Variants in DEF8 observed in about 807,000 individuals in gnomAD.
The protein encoded by DEF8 is differentially expressed in FDCP 8 homolog, also known as DEF-8.
A neutral mutation model predicts 59.1 loss-of-function variants in DEF8; 38 were observed. That is an observed-to-expected ratio of 0.64 (90% CI 0.50 to 0.84). The LOEUF (loss-of-function observed/expected upper bound fraction) is 0.84. DEF8 is among the 40% of genes least tolerant of loss of function. The pLI, the probability that DEF8 is intolerant of heterozygous loss-of-function variation, is 0.00. For missense variants in DEF8, 557 were observed against 615.2 expected, an observed-to-expected ratio of 0.91 and a Z score of 1.00; for synonymous variants, 265 against 250.1, an observed-to-expected ratio of 1.06 and a Z score of -0.56.
chr16:89,957,298 C>A (rs950715204), intron 4 of DEF8: 1 of 444,432 alleles, frequency 2.3e-6, no homozygotes, highest in African/African-American at 2.0e-5. Context: ...TGTGGGCAGG[C>A]AGGTCAGGCT....
chr16:89,958,651 T>C, intron 5 of DEF8: 2 of 281,976 alleles, frequency 7.1e-6, no homozygotes, highest in South Asian at 7.9e-5. Flanking sequence ...CTAATGGTGT[T>C]GGGGAGGGCC....
intron 7 of DEF8, 107 bp from the exon 8 acceptor site, chr16:89,961,630 C>T (rs1367694048): frequency 8.5e-6 from 12 of 1,415,590 alleles, no homozygotes; most frequent in Admixed American, 1.7e-5. Flanking sequence ...GACATGTTCC[C>T]ATGTCTCCCC....
intron 9 of DEF8, among the ~76,000 whole-genome samples, 184 bp downstream of exon 9, chr16:89,962,309 G>A (rs1237842946): frequency 1.3e-5 from 2 of 152,236 alleles, no homozygotes; most frequent in Non-Finnish European, 2.9e-5. Flanking sequence ...GCGGTGTCCC[G>A]TAGTGATCTG....
rs998480411 is a variant in DEF8 at position 89,954,462 on chromosome 16, C to T, written c.124+86C>T. The T allele has an allele frequency of 1.8e-5, 27 of 1,465,152 alleles. No individual in the cohort carries two copies. The East Asian group carries it at 3.2e-4, about 17-fold the overall frequency. 90.8% of individuals were successfully genotyped at this position (1,465,152 alleles called of 1,614,324 possible). A position where few individuals can be genotyped will look rare whatever the true frequency, so the allele number is the denominator to read the frequency against. Reference sequence around the variant, plus strand: ...CCTCCTTTCTTCCTGCCGCGTCCTGCGCAGCCCTGGCTTTCCCACGGAGCC... The same window carrying T: ...CCTCCTTTCTTCCTGCCGCGTCCTGTGCAGCCCTGGCTTTCCCACGGAGCC... On this transcript the variant is annotated intron_variant, in intron 3 of 12. Coordinates refer to ENST00000563594, the MANE Select transcript of DEF8 (RefSeq NM_001242818.2). The surrounding 1 kb of genome is among the most constrained non-coding windows in gnomAD (Gnocchi z 4.3).
chr16:89,961,147 G>T, intron 7 of DEF8, 52 bp downstream of exon 7: 1 of 1,583,290 alleles, frequency 6.3e-7, no homozygotes, highest in Non-Finnish European at 8.6e-7. Flanking sequence ...CTGGCGGGGA[G>T]CCGGGTGCAC....
chr16:89,950,210 C>CT, intron 2 of DEF8: 1 of 986,162 alleles, frequency 1.0e-6, no homozygotes, highest in Non-Finnish European at 1.2e-6. Context: ...GCTCCTGCAC[C>CT]TTTTTCCTGG....
intron 4 of DEF8, 72 bp downstream of exon 4, chr16:89,955,338 G>C (rs756855445): frequency 7.7e-7 from 1 of 1,298,758 alleles, no homozygotes; most frequent in Non-Finnish European, 1.1e-6. Flanking sequence ...GGGTTTCCTT[G>C]TCACTCCCTC....
chr16:89,964,520 TTCCC>T lies in DEF8; in HGVS notation c.1199_1202del (p.Phe400CysfsTer36). On this transcript the variant is annotated frameshift_variant, in exon 12 of 13. Transcript: ENST00000563594. LOFTEE classifies it high-confidence loss of function. ...GCTCTGCAGAGAGGGCGACGTGCTG[TTCCC>T]GTTCGACAGCCACACGTCTGTGTGC... 1 of 1,597,790 alleles carries T rather than the reference TTCCC, an allele frequency of 6.3e-7. No individual in the cohort carries two copies. The highest frequency in any genetic ancestry group is 1.1e-5 in the South Asian group (1 of 88,384).
intron 9 of DEF8, 58 bp from the exon 10 acceptor site, chr16:89,963,305 A>G: frequency 6.6e-7 from 1 of 1,512,474 alleles, no homozygotes; most frequent in Non-Finnish European, 9.0e-7. Context: ...TGCGGCCCAC[A>G]CAGGGGCCGC....
At chr16:89,961,403 C>A (rs943692011) in intron 7 of DEF8, among the ~76,000 whole-genome samples, 1 of 152,204 alleles carries the variant, frequency 6.6e-6, no homozygotes, top group African/African-American at 2.4e-5. Flanking sequence ...TCACACAGCA[C>A]AGAAAGCCTC....
intron 7 of DEF8, 133 bp downstream of exon 7, chr16:89,961,228 G>T (rs2033983252): frequency 8.3e-7 from 1 of 1,206,678 alleles, no homozygotes. Context: ...ATATCTTTAG[G>T]AAGTGACAAG....
rs944472876 is a variant in DEF8, at chr16:89,963,394, C to T, written c.953C>T (p.Pro318Leu). Residue 318 changes from proline (P) to leucine (L), a missense_variant, in exon 10 of 13, where the codon CCG becomes CTG. By Grantham distance (98) the Pro-to-Leu change is moderately conservative (BLOSUM62 -3). Coordinates refer to ENST00000563594, the MANE Select transcript of DEF8 (RefSeq NM_001242818.2). Reference protein sequence around the residue: ...KLRQDILLMKPYFITCREAME... With the variant: ...KLRQDILLMKLYFITCREAME... The stretch of plus-strand genomic sequence containing the variant: ...CGCCAGGACATCCTGCTCATGAAGC[C>T]GTACTTCATCACCTGCAGGGAGGCC... 7 of 1,613,852 alleles carry T rather than the reference C, an allele frequency of 4.3e-6. No homozygotes were observed. The highest frequency in any genetic ancestry group is 5.9e-6 in the Non-Finnish European group (7 of 1,179,880).
At chr16:89,960,823 C>A in intron 6 of DEF8, 108 bp from the exon 7 acceptor site, 3 of 1,165,264 alleles carry the variant, frequency 2.6e-6, no homozygotes, top group Non-Finnish European at 3.7e-6. Flanking sequence ...TTAGATTGAT[C>A]TGGGCCTCAG....
rs532245065 is a variant in DEF8 at position 89,966,864 on chromosome 16, GCTC to G, written c.*903_*905del. ...AGATTTACCTGAGGAGCTCTGTCCT[GCTC>G]CCTGTGGAGGGCTCCAGATAGCTCA... On this transcript the variant is annotated 3_prime_UTR_variant, in exon 13 of 13. Transcript: ENST00000563594. 6.4e-6 allele frequency: 1 copy of G among 157,300 alleles called. No individual in the cohort carries two copies. Among genetic ancestry groups the G allele is most frequent in the African/African-American group, 2.4e-5 (1 of 41,810 alleles). The allele number at this position is 157,300 out of a possible 1,614,324, so 9.7% of individuals were successfully genotyped here.
In DEF8 at chr16:89,957,585, G is replaced by T. The variant is rs760864565; in HGVS notation, c.297G>T (p.Leu99=). ...IEECKQVILE[L]PEQSEKQKDA... ...AGTGCAAGCAGGTGATTCTGGAGCT[G>T]CCCGAGCAGTCGGAGAAGCAGAAGG... is the stretch of plus-strand genomic sequence containing the variant. Residue 99 remains leucine, a synonymous_variant, in exon 5 of 13, where the codon CTG becomes CTT. Coordinates refer to ENST00000563594, the MANE Select transcript of DEF8 (RefSeq NM_001242818.2). 7 of 1,588,392 alleles carry T rather than the reference G, an allele frequency of 4.4e-6. No individual in the cohort carries two copies. The highest frequency in any genetic ancestry group is 6.0e-6 in the Non-Finnish European group (7 of 1,167,996).
Position 89,965,946 on chromosome 16 carries a change from C to T in DEF8, c.1339C>T (p.Pro447Ser). The T allele has an allele frequency of 2.5e-6, 4 of 1,613,202 alleles. No homozygotes were observed. Among genetic ancestry groups the T allele is most frequent in the East Asian group, 2.2e-5 (1 of 44,868 alleles). Residue 447 changes from proline (P) to serine (S), a missense_variant, in exon 13 of 13, where the codon CCC becomes TCC. Transcript: ENST00000563594. ...GCAGTCGCTCTTCCAGGAGCCAGGTCCCGATGTGGAGGCCTAGCGCCGAGG... is the reference window on the plus strand; with the variant it reads ...GCAGTCGCTCTTCCAGGAGCCAGGTTCCGATGTGGAGGCCTAGCGCCGAGG... Reference protein sequence around the residue: ...RKQSLFQEPGPDVEA With the variant: ...RKQSLFQEPGSDVEA
intron 5 of DEF8, 113 bp downstream of exon 5, chr16:89,957,773 G>T (rs978242401): frequency 2.3e-6 from 3 of 1,305,476 alleles, no homozygotes; most frequent in Admixed American, 5.8e-5. Context: ...CTCTCTCTCG[G>T]CCTCAGGGGC....
intron 12 of DEF8, among the ~76,000 whole-genome samples, chr16:89,964,857 GGTCTCTGAT>G (rs1435999583): frequency 4.6e-5 from 7 of 152,206 alleles, no homozygotes; most frequent in African/African-American, 1.7e-4. Context: ...ACTCCAGCTT[GGTCTCTGAT>G]GTGTTCACAG....
intron 5 of DEF8, chr16:89,958,576 T>G (rs1321251712): frequency 1.1e-5 from 2 of 184,698 alleles, no homozygotes; most frequent in Non-Finnish European, 2.3e-5. Context: ...ACATAGTGGC[T>G]TAGAGAAGAT....
Sources: allele counts gnomAD v4.1 joint callset (sites outside exome capture counted in the v4.1 genomes callset), GRCh38; gene constraint gnomAD v4.1.1; non-coding constraint Gnocchi (gnomAD v3.1); transcripts MANE v1.5; gene names NCBI Gene and HGNC (gene_info 2026-07-23, HGNC 2026-07-21).